The following CAMK2G variants were observed in gnomAD, a reference collection of about 807,000 sequenced individuals.
CAMK2G encodes the protein calcium/calmodulin dependent protein kinase II gamma.
In CAMK2G, 23 loss-of-function variants were observed where a neutral mutation model predicts 88.7. The observed-to-expected ratio is 0.26, with a 90% CI of 0.19 to 0.37. CAMK2G has a LOEUF of 0.37. Ranked by LOEUF, CAMK2G falls within the 10% of genes least tolerant of loss-of-function variation. The pLI is 1.00. For synonymous variants in CAMK2G, 263 were observed against 294.8 expected (o/e 0.89, Z 1.11); for missense variants, 476 against 780.8 (o/e 0.61, Z 4.65).
At chr10:73,841,820 T>G in intron 12 of CAMK2G, 1 of 230,318 alleles carries the variant, frequency 4.3e-6, no homozygotes. Context: ...TCATCTCTCT[T>G]TTCTTCCCCC....
At chr10:73,814,928 C>T (rs1417612896) in intron 22 of CAMK2G, 75 bp downstream of exon 22, 22 of 1,039,334 alleles carry the variant, frequency 2.1e-5, no homozygotes, top group Non-Finnish European at 3.0e-5. Flanking sequence ...GGACCACCTC[C>T]CAGCCTTCTC....
At chr10:73,858,321 G>A (rs2095187275) in intron 3 of CAMK2G, among the ~76,000 whole-genome samples, 1 of 152,210 alleles carries the variant, frequency 6.6e-6, no homozygotes. Flanking sequence ...AGTTCAAGAG[G>A]CCAGAGCCAA....
At chr10:73,855,775 C>G (rs1340897780) in intron 3 of CAMK2G, among the ~76,000 whole-genome samples, 1 of 152,190 alleles carries the variant, frequency 6.6e-6, no homozygotes, top group African/African-American at 2.4e-5. Context: ...ATGTGTGCCC[C>G]AGAGCAAGGC....
At chr10:73,820,478 ATATATATATATATATTT>A (rs2087710845) in intron 18 of CAMK2G, among the ~76,000 whole-genome samples, 2 of 30,710 alleles carry the variant, frequency 6.5e-5, no homozygotes, top group Admixed American at 2.5e-4. Context: ...ATATATATAT[ATATATATATATATATTT>A]TTTTTTTTTT....
intron 2 of CAMK2G, among the ~76,000 whole-genome samples, chr10:73,869,663 T>C (rs1016344844): frequency 2.6e-5 from 4 of 152,234 alleles, no homozygotes; most frequent in East Asian, 1.9e-4. Flanking sequence ...TGCAGAAGTA[T>C]AGAAACACAT....
chr10:73,859,286 C>G (rs1724002512), intron 3 of CAMK2G, among the ~76,000 whole-genome samples: 1 of 152,228 alleles, frequency 6.6e-6, no homozygotes, highest in East Asian at 1.9e-4. Flanking sequence ...CAGGGGCAGC[C>G]ACCGCTCCTC....
At chr10:73,845,442 C>T (rs1323373353) in intron 10 of CAMK2G, among the ~76,000 whole-genome samples, 1 of 151,830 alleles carries the variant, frequency 6.6e-6, no homozygotes, top group Non-Finnish European at 1.5e-5. Flanking sequence ...ATTAGCCGGG[C>T]GTGGTGGCGG....
chr10:73,864,981 C>T (rs532346462), intron 2 of CAMK2G, among the ~76,000 whole-genome samples: 5 of 152,188 alleles, frequency 3.3e-5, no homozygotes, highest in African/African-American at 9.6e-5. Flanking sequence ...ACAGCAAGAT[C>T]TGAGGTTTAA....
rs1437617468 is a variant in CAMK2G at position 73,820,488 on chromosome 10, ATATATTTTTTT to A, written c.1250-854_1250-844del. ...TTTATATATATATATATATATATAT[ATATATTTTTTT>A]TTTTTTTTTTTTCTTGAGACAGAGT... On this transcript the variant is annotated intron_variant, in intron 18 of 22. Transcript: ENST00000423381. Among the ~76,000 whole-genome samples, 307 of 46,522 alleles carry A rather than the reference ATATATTTTTTT, an allele frequency of 6.6e-3. 2 individuals carry two copies. Among genetic ancestry groups the A allele is most frequent in the African/African-American group, 0.032 (290 of 8,952 alleles). 30.5% of individuals were successfully genotyped at this position (46,522 alleles called of 152,430 possible). A position where few individuals can be genotyped will look rare whatever the true frequency, so the allele number is the denominator to read the frequency against.
chr10:73,852,958 G>A, intron 4 of CAMK2G: 1 of 580,334 alleles, frequency 1.7e-6, no homozygotes. Context: ...GCGTGCTGCT[G>A]AACAGAAGTG....
At chr10:73,854,475 T>A (rs1409178426) in intron 3 of CAMK2G, among the ~76,000 whole-genome samples, 4 of 152,144 alleles carry the variant, frequency 2.6e-5, no homozygotes. Context: ...TCACGTGAAC[T>A]CTCTTGATGG....
At chr10:73,823,962 G>T in intron 17 of CAMK2G, 78 bp downstream of exon 17, 1 of 1,127,656 alleles carries the variant, frequency 8.9e-7, no homozygotes, top group Non-Finnish European at 1.3e-6. Flanking sequence ...TCAGGGTGCA[G>T]CCTGTAGACC....
chr10:73,817,043 T>C lies in CAMK2G; in HGVS notation c.1514A>G (p.His505Arg), dbSNP rs749226853. The C allele has an allele frequency of 2.5e-6, 4 of 1,613,964 alleles. No individual in the cohort carries two copies. The highest frequency in any genetic ancestry group is 1.3e-5 in the African/African-American group (1 of 74,876). The change falls in exon 21 of 23, where the codon CAT (histidine) becomes CGT (arginine). Residue 505 changes from histidine (H) to arginine (R), a missense_variant. Coordinates refer to ENST00000423381, the MANE Select transcript of CAMK2G (RefSeq NM_001367534.1). ...CTCACGATTCTCAAAGTAAAACTTA[T>C]GGAAATCCATCCCCTCCACGAGGTT... is the stretch of plus-strand genomic sequence containing the variant. ...LGNLVEGMDF[H>R]KFYFENLLSK...
intron 10 of CAMK2G, among the ~76,000 whole-genome samples, chr10:73,844,710 C>G (rs2094099619): frequency 6.6e-6 from 1 of 152,066 alleles, no homozygotes; most frequent in Non-Finnish European, 1.5e-5. Context: ...TTAAAAGCTC[C>G]CCTGGCCCAT....
intron 3 of CAMK2G, among the ~76,000 whole-genome samples, chr10:73,857,755 C>G (rs893054880): frequency 1.3e-5 from 2 of 152,200 alleles, no homozygotes; most frequent in Non-Finnish European, 2.9e-5. Flanking sequence ...GACCTCAGAC[C>G]TCACACCAGC....
intron 13 of CAMK2G, among the ~76,000 whole-genome samples, chr10:73,837,835 A>G (rs911148344): frequency 2.6e-5 from 4 of 152,150 alleles, no homozygotes. Context: ...CCAGGCCTGG[A>G]AGCAGAGTGC....
intron 5 of CAMK2G, among the ~76,000 whole-genome samples, chr10:73,851,293 G>A (rs1160125385): frequency 6.6e-6 from 1 of 152,218 alleles, no homozygotes; most frequent in African/African-American, 2.4e-5. Context: ...AAGCAAGGCT[G>A]GGGGAAGAGC....
chr10:73,858,911 G>GTGGTCAACCCGCCCA (rs767772615), intron 3 of CAMK2G, among the ~76,000 whole-genome samples: 1 of 152,122 alleles, frequency 6.6e-6, no homozygotes, highest in South Asian at 2.1e-4. Context: ...CAACCCATCC[G>GTGGTCAACCCGCCCA]TGGTCAACCC....
At position 73,821,715 on chromosome 10, in the gene CAMK2G, A is replaced by G. The variant is rs1351630914; in HGVS notation, c.1216T>C (p.Cys406Arg). Residue 406 changes from cysteine to arginine, a missense_variant, in exon 18 of 23, where the codon TGC (cysteine) becomes CGC (arginine). By Grantham distance (180) the Cys-to-Arg change is radical. Around this residue, in one of 3 missense-constraint regions of CAMK2G, gnomAD observed 278 missense variants for 366.5 expected, o/e 0.76. Coordinates refer to ENST00000423381, the MANE Select transcript of CAMK2G (RefSeq NM_001367534.1). Reference protein sequence around the residue: ...TDGIKGSTESCNTTTEDEDLK... With the variant: ...TDGIKGSTESRNTTTEDEDLK... ...TCCTCATCTTCTGTGGTGGTGTTGC[A>G]GCTCTCTGTGGAGCCCTGTAGGCCA... 12 of 1,611,384 alleles carry G rather than the reference A, an allele frequency of 7.4e-6. No individual in the cohort carries two copies. In the Admixed American group the frequency reaches 2.0e-4, roughly 27 times the overall value.
Sources: allele counts gnomAD v4.1 joint callset (sites outside exome capture counted in the v4.1 genomes callset), GRCh38; gene constraint gnomAD v4.1.1; regional missense constraint gnomAD v4.1.1; transcripts MANE v1.5; gene names NCBI Gene and HGNC (gene_info 2026-07-23, HGNC 2026-07-21).